HS3ST2: variants seen among roughly 807,000 people sequenced by gnomAD.
The protein encoded by HS3ST2 is heparan sulfate glucosamine 3-O-sulfotransferase 2.
HS3ST2 carries 17 observed loss-of-function variants against 26.3 expected under a neutral mutation model. The observed-to-expected ratio is 0.65, with a 90% CI of 0.44 to 0.97. The LOEUF (loss-of-function observed/expected upper bound fraction) is 0.97, where lower values mean the gene tolerates loss of function less well. HS3ST2 is among the 50% of genes least tolerant of loss of function. HS3ST2 has a pLI of 0.00. For synonymous variants in HS3ST2, 237 were observed against 219.2 expected (o/e 1.08, Z -0.72); for missense variants, 402 against 501.2 (o/e 0.80, Z 1.89).
At chr16:22,894,745 A>G (rs1902182983) in intron 1 of HS3ST2, among the ~76,000 whole-genome samples, 1 of 152,042 alleles carries the variant, frequency 6.6e-6, no homozygotes, top group African/African-American at 2.4e-5. Context: ...TAAAAAAAAA[A>G]AAAAAAAGGA....
chr16:22,885,570 C>G (rs1358550029), intron 1 of HS3ST2, among the ~76,000 whole-genome samples: 1 of 152,020 alleles, frequency 6.6e-6, no homozygotes, highest in Non-Finnish European at 1.5e-5. Flanking sequence ...ATTCTCCTGC[C>G]TCAGCCTCCC....
intron 1 of HS3ST2, among the ~76,000 whole-genome samples, chr16:22,824,635 C>T (rs1182151862): frequency 6.6e-6 from 1 of 152,188 alleles, no homozygotes; most frequent in Non-Finnish European, 1.5e-5. Context: ...CTTTCTCAGG[C>T]AGTTTAATTT....
intron 1 of HS3ST2, among the ~76,000 whole-genome samples, chr16:22,913,548 A>G (rs887624260): frequency 2.0e-5 from 3 of 152,216 alleles, no homozygotes; most frequent in African/African-American, 4.8e-5. Flanking sequence ...AACAGTTGCT[A>G]TTCCTGCAAG....
intron 1 of HS3ST2, among the ~76,000 whole-genome samples, chr16:22,843,983 G>T (rs1048375369): frequency 6.6e-6 from 1 of 150,652 alleles, no homozygotes; most frequent in Non-Finnish European, 1.5e-5. Flanking sequence ...TGGGAGTTAT[G>T]AACTGGGAAT....
rs149989733 is a variant in HS3ST2, at chr16:22,872,383, GATA to G, written c.486-42557_486-42555del. Among the ~76,000 whole-genome samples the G allele has an allele frequency of 1.2e-3, 183 of 152,274 alleles. 1 individual carries two copies. Among genetic ancestry groups the G allele is most frequent in the African/African-American group, 4.2e-3 (175 of 41,540 alleles). ...CCAAATATAGCAAATGCTGCTCTTG[GATA>G]ATATTTGATCCAGAGAAGTTTTGTC... On this transcript the variant is annotated intron_variant, in intron 1 of 1. Coordinates refer to ENST00000261374, the MANE Select transcript of HS3ST2 (RefSeq NM_006043.2).
intron 1 of HS3ST2, among the ~76,000 whole-genome samples, chr16:22,828,763 A>T (rs141653563): frequency 6.6e-6 from 1 of 152,346 alleles, no homozygotes; most frequent in East Asian, 1.9e-4. Flanking sequence ...AATTCTGTGA[A>T]AAATGAGTTA....
At position 22,915,027 on chromosome 16, in the gene HS3ST2, G is replaced by T; in HGVS notation, c.569G>T (p.Arg190Leu). ...SYFVTQEAPR[R>L]IFNMSRDTKL... ...TTTGTCACTCAAGAGGCTCCTCGAC[G>T]CATCTTCAACATGTCCCGAGACACC... The change falls in exon 2 of 2, where the codon CGC (arginine) becomes CTC (leucine). Residue 190 changes from arginine to leucine, a missense_variant. Arg to Leu is a moderately radical substitution (Grantham distance 102, BLOSUM62 -2). Coordinates refer to ENST00000261374, the MANE Select transcript of HS3ST2 (RefSeq NM_006043.2). 1 of 1,614,022 alleles carries T rather than the reference G, an allele frequency of 6.2e-7. No homozygotes were observed. Among genetic ancestry groups the T allele is most frequent in the Non-Finnish European group, 8.5e-7 (1 of 1,179,996 alleles).
intron 1 of HS3ST2, among the ~76,000 whole-genome samples, chr16:22,857,703 T>C (rs907321851): frequency 2.0e-5 from 3 of 152,226 alleles, no homozygotes; most frequent in African/African-American, 4.8e-5. Context: ...TCAATTTTTT[T>C]TTCCTGCTGG....
Position 22,841,620 on chromosome 16 carries a change from T to G in HS3ST2, c.485+26525T>G, listed in dbSNP as rs1356210710. Among the ~76,000 whole-genome samples, 9 of 152,332 alleles carry G rather than the reference T, an allele frequency of 5.9e-5. No homozygotes were observed. In the East Asian group the frequency reaches 1.5e-3, roughly 26 times the overall value. ...ACCACCCCCACCTACCATGTGATTG[T>G]CTAGTATTTTAATTATACCGTGTTT... is the stretch of plus-strand genomic sequence containing the variant. On this transcript the variant is annotated intron_variant, in intron 1 of 1. Coordinates refer to ENST00000261374, the MANE Select transcript of HS3ST2 (RefSeq NM_006043.2).
intron 1 of HS3ST2, among the ~76,000 whole-genome samples, chr16:22,831,592 C>CT (rs1901169528): frequency 1.7e-5 from 2 of 119,528 alleles, no homozygotes; most frequent in Non-Finnish European, 3.4e-5. Context: ...AGGGCTAACC[C>CT]ATTTTTTTTT....
At chr16:22,912,060 G>A (rs193211372) in intron 1 of HS3ST2, among the ~76,000 whole-genome samples, 1 of 152,248 alleles carries the variant, frequency 6.6e-6, no homozygotes, top group Non-Finnish European at 1.5e-5. Flanking sequence ...GGAGTTTGAG[G>A]CAGCAGTGAG....
intron 1 of HS3ST2, among the ~76,000 whole-genome samples, chr16:22,899,880 G>A (rs1902261352): frequency 6.6e-6 from 1 of 152,146 alleles, no homozygotes; most frequent in African/African-American, 2.4e-5. Context: ...AGGAATTACG[G>A]GAGCTACAAT....
At chr16:22,905,343 C>A (rs143668702) in intron 1 of HS3ST2, among the ~76,000 whole-genome samples, 2 of 151,892 alleles carry the variant, frequency 1.3e-5, no homozygotes, top group South Asian at 2.1e-4. Context: ...TGTTCCACTG[C>A]GTAGCCCAGT....
At chr16:22,843,079 C>T (rs1437372483) in intron 1 of HS3ST2, among the ~76,000 whole-genome samples, 2 of 151,460 alleles carry the variant, frequency 1.3e-5, no homozygotes, top group African/African-American at 2.4e-5. Context: ...AAAACTTTCT[C>T]AAACCATGTT....
At chr16:22,864,122 G>A (rs1464500948) in intron 1 of HS3ST2, among the ~76,000 whole-genome samples, 1 of 152,160 alleles carries the variant, frequency 6.6e-6, no homozygotes, top group African/African-American at 2.4e-5. Flanking sequence ...TTTGATCTGT[G>A]GTTTGACTGG....
intron 1 of HS3ST2, among the ~76,000 whole-genome samples, chr16:22,881,838 G>C (rs1390232821): frequency 6.6e-6 from 1 of 152,126 alleles, no homozygotes; most frequent in Non-Finnish European, 1.5e-5. Context: ...AATCGAACAG[G>C]TCCTTTGTAA....
At chr16:22,888,934 G>C (rs960722236) in intron 1 of HS3ST2, among the ~76,000 whole-genome samples, 1 of 152,138 alleles carries the variant, frequency 6.6e-6, no homozygotes, top group Non-Finnish European at 1.5e-5. Context: ...GTAGCCCTTT[G>C]TCTTCTTGGC....
Position 22,814,261 on chromosome 16 carries a change from G to C in HS3ST2, c.-350G>C, listed in dbSNP as rs1047596594. The C allele has an allele frequency of 1.9e-5, 4 of 207,424 alleles. No individual in the cohort carries two copies. The highest frequency in any genetic ancestry group is 9.2e-5 in the African/African-American group (4 of 43,574). The allele number at this position is 207,424 out of a possible 1,614,324, so 12.8% of individuals were successfully genotyped here. On this transcript the variant is annotated 5_prime_UTR_variant, in exon 1 of 2. Transcript: ENST00000261374. ...CGCCGCCGCCGAGCGTTTCGTGAGC[G>C]GCGCTCCGAGGATCAGGAATGGGGC... is the stretch of plus-strand genomic sequence containing the variant.
At chr16:22,907,001 G>T (rs1224955979) in intron 1 of HS3ST2, among the ~76,000 whole-genome samples, 1 of 152,172 alleles carries the variant, frequency 6.6e-6, no homozygotes, top group Non-Finnish European at 1.5e-5. Flanking sequence ...CTAGTAGGCG[G>T]TTATACAAAG....
Sources: allele counts gnomAD v4.1 joint callset (sites outside exome capture counted in the v4.1 genomes callset), GRCh38; gene constraint gnomAD v4.1.1; transcripts MANE v1.5; gene names NCBI Gene and HGNC (gene_info 2026-07-23, HGNC 2026-07-21).